TBC1D32: variants seen among roughly 807,000 people sequenced by gnomAD.
TBC1D32 encodes protein broad-minded.
A neutral mutation model predicts 170.3 loss-of-function variants in TBC1D32; 151 were observed. The ratio of observed to expected loss-of-function variants is 0.89; its 90% confidence interval spans 0.78 to 1.01. The LOEUF (loss-of-function observed/expected upper bound fraction) is 1.01, where lower values mean the gene tolerates loss of function less well. Ranked by LOEUF, TBC1D32 falls within the 50% of genes least tolerant of loss-of-function variation. The pLI is 0.00. For missense variants in TBC1D32, 1,464 were observed against 1,457.1 expected (o/e 1.00, Z -0.08); for synonymous variants, 498 against 488.0 (o/e 1.02, Z -0.27).
intron 17 of TBC1D32, among the ~76,000 whole-genome samples, chr6:121,253,177 AG>A (rs1462555019): frequency 2.0e-5 from 3 of 152,212 alleles, no homozygotes; most frequent in Non-Finnish European, 4.4e-5. Context: ...CCAATGTGGG[AG>A]AAAATATTCA....
intron 17 of TBC1D32, among the ~76,000 whole-genome samples, chr6:121,252,959 TGATGGATCAAA>T (rs1310086437): frequency 6.6e-6 from 1 of 152,072 alleles, no homozygotes; most frequent in Non-Finnish European, 1.5e-5. Flanking sequence ...AATCAACACA[TGATGGATCAAA>T]GACTTAATCT....
rs116595647 is a variant in TBC1D32, at chr6:121,144,990, G to A, written c.2774-13238C>T. Among the ~76,000 whole-genome samples, 231 of 152,328 alleles carry A rather than the reference G, an allele frequency of 1.5e-3. 1 individual carries two copies. The highest frequency in any genetic ancestry group is 5.4e-3 in the African/African-American group (224 of 41,580). On this transcript the variant is annotated intron_variant, in intron 24 of 31. Transcript: ENST00000398212. ...TTGAGTGATACTGCTAGGTAATGAG[G>A]ACTGAGATCTTACCAGTGGGCTGAA...
At chr6:121,155,114 T>C (rs899687903) in intron 24 of TBC1D32, among the ~76,000 whole-genome samples, 2 of 152,202 alleles carry the variant, frequency 1.3e-5, no homozygotes, top group Admixed American at 6.5e-5. Flanking sequence ...TTAACAATAT[T>C]GATTCCTACA....
chr6:121,318,439 CATAA>C (rs1809230497), intron 2 of TBC1D32, among the ~76,000 whole-genome samples: 2 of 151,896 alleles, frequency 1.3e-5, no homozygotes, highest in Non-Finnish European at 2.9e-5. Context: ...TAGAAAGAAC[CATAA>C]ATATAGTCTA....
intron 21 of TBC1D32, among the ~76,000 whole-genome samples, chr6:121,222,082 C>T (rs1280832430): frequency 2.0e-5 from 3 of 152,152 alleles, no homozygotes; most frequent in Admixed American, 6.6e-5. Context: ...CAGCTGCCAT[C>T]GACAATGAGG....
chr6:121,106,199 TTTA>T, intron 29 of TBC1D32, 36 bp from the exon 30 acceptor site: 1 of 1,235,408 alleles, frequency 8.1e-7, no homozygotes, highest in Non-Finnish European at 1.0e-6. Flanking sequence ...TTTTATTAAT[TTTA>T]TTATTTAATA....
At chr6:121,234,770 T>C (rs1386748255) in intron 20 of TBC1D32, among the ~76,000 whole-genome samples, 1 of 152,110 alleles carries the variant, frequency 6.6e-6, no homozygotes, top group East Asian at 1.9e-4. Context: ...GTATGATCAT[T>C]TGGGAGTGTT....
chr6:121,126,928 T>G (rs1437513458), intron 25 of TBC1D32, among the ~76,000 whole-genome samples: 1 of 152,128 alleles, frequency 6.6e-6, no homozygotes, highest in Non-Finnish European at 1.5e-5. Flanking sequence ...GCAACCAATA[T>G]CAAAAGAAGG....
At chr6:121,311,890 C>A (rs756288821) in intron 3 of TBC1D32, among the ~76,000 whole-genome samples, 39 of 152,126 alleles carry the variant, frequency 2.6e-4, no homozygotes, top group Non-Finnish European at 5.4e-4. Context: ...TTTGACCCAG[C>A]AATCCCATGC....
At chr6:121,089,913 G>A (rs978115918) in intron 31 of TBC1D32, among the ~76,000 whole-genome samples, 1 of 151,578 alleles carries the variant, frequency 6.6e-6, no homozygotes, top group Non-Finnish European at 1.5e-5. Flanking sequence ...TAGGGATAAG[G>A]AAACATTTTA....
At chr6:121,208,945 T>G (rs1792685992) in intron 21 of TBC1D32, among the ~76,000 whole-genome samples, 2 of 151,912 alleles carry the variant, frequency 1.3e-5, no homozygotes, top group African/African-American at 4.8e-5. Flanking sequence ...GGTGAAGATA[T>G]CCCCATAGAA....
chr6:121,173,289 T>TGGCTTCCTTGCTCTTTGCAGGAGGAA (rs1562765250), intron 22 of TBC1D32, among the ~76,000 whole-genome samples: 1 of 152,164 alleles, frequency 6.6e-6, no homozygotes, highest in Non-Finnish European at 1.5e-5. Context: ...GGACTCAGAC[T>TGGCTTCCTTGCTCTTTGCAGGAGGAA]GGCTTCCTTG....
chr6:121,126,213 C>A (rs186671124), intron 26 of TBC1D32, among the ~76,000 whole-genome samples, 165 bp downstream of exon 26: 1 of 152,104 alleles, frequency 6.6e-6, no homozygotes, highest in Non-Finnish European at 1.5e-5. Context: ...GAAACCTAGA[C>A]ATTTACAAAG....
At chr6:121,329,249 G>A (rs963947632) in intron 1 of TBC1D32, among the ~76,000 whole-genome samples, 2 of 151,802 alleles carry the variant, frequency 1.3e-5, no homozygotes, top group African/African-American at 4.8e-5. Context: ...TGACATGTTC[G>A]TAATGTTTAT....
intron 24 of TBC1D32, among the ~76,000 whole-genome samples, chr6:121,137,704 A>C (rs923121418): frequency 2.0e-5 from 3 of 151,892 alleles, no homozygotes; most frequent in Non-Finnish European, 4.4e-5. Flanking sequence ...GAGTATATTA[A>C]AAATGTAAGA....
chr6:121,275,889 C>T (rs949375123), intron 15 of TBC1D32, among the ~76,000 whole-genome samples: 1 of 152,004 alleles, frequency 6.6e-6, no homozygotes, highest in Non-Finnish European at 1.5e-5. Flanking sequence ...CTTGGGGAAG[C>T]CAAGGCAGGC....
At chr6:121,140,710 A>T (rs1009208395) in intron 24 of TBC1D32, among the ~76,000 whole-genome samples, 1 of 152,086 alleles carries the variant, frequency 6.6e-6, no homozygotes, top group African/African-American at 2.4e-5. Context: ...ATTGTGAAAA[A>T]ATAGGATGTA....
At chr6:121,309,762 A>T (rs185716365) in intron 4 of TBC1D32, among the ~76,000 whole-genome samples, 14 of 152,298 alleles carry the variant, frequency 9.2e-5, no homozygotes. Flanking sequence ...GGCCAGGCAC[A>T]GTGGCTCACA....
intron 10 of TBC1D32, among the ~76,000 whole-genome samples, chr6:121,296,601 A>C (rs1805676420): frequency 6.6e-6 from 1 of 152,132 alleles, no homozygotes; most frequent in Admixed American, 6.6e-5. Flanking sequence ...CATTCTAAAT[A>C]AAGTATTTTG....
Sources: gnomAD v4.1 joint callset for allele counts (sites outside exome capture counted in the v4.1 genomes callset) on GRCh38, gnomAD v4.1.1 for gene constraint, MANE v1.5 for transcripts, NCBI Gene and HGNC (gene_info 2026-07-23, HGNC 2026-07-21) for gene names.